RANBP17: variants seen among roughly 807,000 people sequenced by gnomAD.
RANBP17 encodes ran-binding protein 17.
RANBP17 carries 158 observed loss-of-function variants against 141.2 expected under a neutral mutation model. The ratio of observed to expected loss-of-function variants is 1.12; its 90% CI spans 0.98 to 1.28. RANBP17 has a LOEUF of 1.28. Ranked by LOEUF, RANBP17 falls within the 50% of genes most tolerant of loss-of-function variation. The pLI is 0.00. For synonymous variants in RANBP17, 430 were observed against 450.0 expected, an observed-to-expected ratio of 0.96 and a Z score of 0.56; for missense variants, 1,438 against 1,290.7, an observed-to-expected ratio of 1.11 and a Z score of -1.75.
intron 26 of RANBP17, 69 bp from the exon 27 acceptor site, chr5:171,295,818 C>T (rs1581200553): frequency 2.6e-6 from 4 of 1,553,580 alleles, no homozygotes; most frequent in South Asian, 1.2e-5. Flanking sequence ...CTGCTCTATC[C>T]ATCCCCTGCC....
At chr5:170,877,548 C>T (rs1038494959) in intron 1 of RANBP17, among the ~76,000 whole-genome samples, 2 of 152,162 alleles carry the variant, frequency 1.3e-5, no homozygotes, top group Admixed American at 1.3e-4. Flanking sequence ...AGGTATAAGT[C>T]ACCATGCCCG....
At chr5:171,251,021 A>G (rs908029521) in intron 24 of RANBP17, among the ~76,000 whole-genome samples, 1 of 152,260 alleles carries the variant, frequency 6.6e-6, no homozygotes, top group Non-Finnish European at 1.5e-5. Flanking sequence ...TACAGAATAT[A>G]CATTCTTTTC....
chr5:171,157,215 A>G (rs1259379496), intron 14 of RANBP17, among the ~76,000 whole-genome samples: 1 of 152,180 alleles, frequency 6.6e-6, no homozygotes, highest in Non-Finnish European at 1.5e-5. Context: ...ATTAGTCTAA[A>G]TGTCTAATAA....
intron 24 of RANBP17, among the ~76,000 whole-genome samples, chr5:171,256,124 T>C (rs1169919067): frequency 6.6e-6 from 1 of 152,226 alleles, no homozygotes. Context: ...CTTGATACTT[T>C]CTTTAAAAAC....
intron 22 of RANBP17, among the ~76,000 whole-genome samples, chr5:171,223,124 A>T (rs1459058090): frequency 6.6e-6 from 1 of 152,236 alleles, no homozygotes; most frequent in African/African-American, 2.4e-5. Flanking sequence ...TTCAGAACAC[A>T]TTCTGGGGAT....
chr5:171,139,956 C>A (rs535977989), intron 14 of RANBP17, among the ~76,000 whole-genome samples: 6 of 152,332 alleles, frequency 3.9e-5, no homozygotes, highest in African/African-American at 1.2e-4. Context: ...CTAGCCAGCC[C>A]ACTGGTCTTC....
intron 14 of RANBP17, among the ~76,000 whole-genome samples, chr5:170,993,046 T>G (rs1256599909): frequency 6.6e-6 from 1 of 152,020 alleles, no homozygotes; most frequent in Non-Finnish European, 1.5e-5. Context: ...TAGGTTTGTT[T>G]GTTTGGTAAT....
intron 7 of RANBP17, among the ~76,000 whole-genome samples, chr5:170,913,739 G>A (rs1771720598): frequency 6.7e-6 from 1 of 148,594 alleles, no homozygotes; most frequent in African/African-American, 2.4e-5. Context: ...ATCAAATGAA[G>A]AAATAGTATA....
At chr5:171,134,794 C>T (rs72827556) in intron 14 of RANBP17, among the ~76,000 whole-genome samples, 7,782 of 151,786 alleles carry the variant, frequency 0.051, 274 homozygotes, top group South Asian at 0.076. Context: ...TGGTGGCTCA[C>T]GCCTGTAGTC....
chr5:171,246,573 A>G (rs1765230126), intron 24 of RANBP17, among the ~76,000 whole-genome samples: 1 of 152,252 alleles, frequency 6.6e-6, no homozygotes, highest in Non-Finnish European at 1.5e-5. Context: ...ATAAGAAGAA[A>G]TTCTGTCTTC....
intron 14 of RANBP17, among the ~76,000 whole-genome samples, chr5:171,058,651 A>T (rs1374813913): frequency 3.3e-5 from 5 of 150,300 alleles, no homozygotes; most frequent in Non-Finnish European, 7.4e-5. Context: ...TAGCAGCATG[A>T]TTTATAGTCC....
chr5:171,265,601 T>A (rs1251445910), intron 24 of RANBP17, 80 bp from the exon 25 acceptor site: 2 of 1,272,174 alleles, frequency 1.6e-6, no homozygotes, highest in Non-Finnish European at 1.1e-6. Flanking sequence ...AAAGTAATTA[T>A]TTTTAATGGA....
intron 14 of RANBP17, among the ~76,000 whole-genome samples, chr5:171,068,170 A>G (rs1784420352): frequency 6.6e-6 from 1 of 151,870 alleles, no homozygotes; most frequent in East Asian, 1.9e-4. Flanking sequence ...TTGAACTCCT[A>G]TATTGATTTT....
intron 5 of RANBP17, among the ~76,000 whole-genome samples, chr5:170,902,472 C>T (rs769167998): frequency 1.3e-5 from 2 of 152,152 alleles, no homozygotes; most frequent in Non-Finnish European, 2.9e-5. Flanking sequence ...AGAACATGCT[C>T]CTTTAGCTCA....
intron 14 of RANBP17, among the ~76,000 whole-genome samples, chr5:171,083,443 G>A (rs953570082): frequency 6.6e-6 from 1 of 152,154 alleles, no homozygotes; most frequent in Non-Finnish European, 1.5e-5. Context: ...CTTCAGAGCT[G>A]TGAGAAATAA....
At chr5:170,975,269 C>T (rs1341502823) in intron 14 of RANBP17, among the ~76,000 whole-genome samples, 1 of 152,216 alleles carries the variant, frequency 6.6e-6, no homozygotes, top group Non-Finnish European at 1.5e-5. Context: ...TGGCTCACAC[C>T]TGTAATCCCA....
intron 22 of RANBP17, among the ~76,000 whole-genome samples, chr5:171,223,034 A>G (rs1763668568): frequency 6.6e-6 from 1 of 152,240 alleles, no homozygotes; most frequent in African/African-American, 2.4e-5. Context: ...AACAACCAAT[A>G]GAAGCCTTGT....
intron 24 of RANBP17, among the ~76,000 whole-genome samples, chr5:171,257,583 A>C (rs76326220): frequency 0.01 from 1,556 of 152,288 alleles, 24 homozygotes; most frequent in African/African-American, 0.036. Context: ...GAGAAGAAAT[A>C]AAAGGCATCC....
chr5:170,952,472 T>G (rs1561923931), intron 12 of RANBP17, among the ~76,000 whole-genome samples: 2 of 152,070 alleles, frequency 1.3e-5, no homozygotes, highest in Admixed American at 6.6e-5. Flanking sequence ...CCCTAATAGG[T>G]TGATATGTCT....
Sources: allele counts gnomAD v4.1 joint callset (sites outside exome capture counted in the v4.1 genomes callset), GRCh38; gene constraint gnomAD v4.1.1; transcripts MANE v1.5; gene names NCBI Gene and HGNC (gene_info 2026-07-23, HGNC 2026-07-21).